Variants in OCA2 observed in about 807,000 individuals in gnomAD.
The protein encoded by OCA2 is P protein.
A neutral mutation model predicts 100.2 loss-of-function variants in OCA2; 77 were observed. The ratio of observed to expected loss-of-function variants is 0.77; its 90% CI spans 0.64 to 0.93. OCA2 has a LOEUF of 0.93. Among genes scored for constraint, OCA2 ranks in the 40% least tolerant of loss-of-function variants. The probability of loss-of-function intolerance (pLI) is 0.00; values close to 1 mark genes in which losing one functional copy is unlikely to be tolerated. For synonymous variants in OCA2, 432 were observed against 439.2 expected (o/e 0.98, Z 0.21); for missense variants, 1,062 against 1,089.1 (o/e 0.98, Z 0.35).
chr15:28,027,002 C>A (rs921403772), intron 4 of OCA2, among the ~76,000 whole-genome samples: 1 of 152,214 alleles, frequency 6.6e-6, no homozygotes, highest in African/African-American at 2.4e-5. Flanking sequence ...GGGCGCTCAG[C>A]GACTTCAGGT....
intron 18 of OCA2, among the ~76,000 whole-genome samples, chr15:27,928,448 A>G (rs999790006): frequency 6.6e-6 from 1 of 152,182 alleles, no homozygotes; most frequent in African/African-American, 2.4e-5. Context: ...TTTCAATTAT[A>G]TCATGATTTT....
At chr15:27,830,781 T>C (rs1410047542) in intron 23 of OCA2, among the ~76,000 whole-genome samples, 1 of 152,166 alleles carries the variant, frequency 6.6e-6, no homozygotes, top group Non-Finnish European at 1.5e-5. Context: ...ACAGGAAACC[T>C]GACAAATTCA....
intron 1 of OCA2, among the ~76,000 whole-genome samples, chr15:28,089,767 A>T (rs1347796304): frequency 6.6e-6 from 1 of 152,190 alleles, no homozygotes; most frequent in African/African-American, 2.4e-5. Context: ...TAAAGATGGG[A>T]ACAACAGACA....
At chr15:28,078,436 G>A (rs2141865365) in intron 2 of OCA2, among the ~76,000 whole-genome samples, 1 of 152,316 alleles carries the variant, frequency 6.6e-6, no homozygotes, top group Non-Finnish European at 1.5e-5. Context: ...GAATACAGAA[G>A]AAGGGATGGT....
chr15:28,041,495 A>C (rs934544847), intron 2 of OCA2, among the ~76,000 whole-genome samples: 2 of 152,190 alleles, frequency 1.3e-5, no homozygotes, highest in Non-Finnish European at 2.9e-5. Context: ...TGCTACTTCT[A>C]CTCAATGCAG....
chr15:27,733,066 C>A, the OCA2 span, among the ~76,000 whole-genome samples: 2 of 152,170 alleles, frequency 1.3e-5, no homozygotes, highest in African/African-American at 4.8e-5. Flanking sequence ...CATTAGCACT[C>A]GTCTCTCATG....
At chr15:27,896,190 G>A (rs2151622276) in intron 19 of OCA2, 1 of 907,816 alleles carries the variant, frequency 1.1e-6, no homozygotes. Flanking sequence ...GAAGAGAGCT[G>A]TAGATAGAGG....
intron 19 of OCA2, among the ~76,000 whole-genome samples, chr15:27,915,759 T>G (rs1015195999): frequency 5.3e-5 from 8 of 152,142 alleles, no homozygotes; most frequent in African/African-American, 1.9e-4. Flanking sequence ...ATTCTGCTGA[T>G]TAGAGTATAA....
chr15:27,958,918 G>C (rs558290378), intron 15 of OCA2, among the ~76,000 whole-genome samples: 22 of 152,274 alleles, frequency 1.4e-4, no homozygotes, highest in Admixed American at 3.3e-4. Flanking sequence ...ATCACCCGAA[G>C]ACCTGGGAAG....
chr15:27,719,798 C>T, the OCA2 span, among the ~76,000 whole-genome samples: 3 of 152,058 alleles, frequency 2.0e-5, no homozygotes, highest in African/African-American at 7.2e-5. Context: ...ATTGGGTGGC[C>T]CCATCTGCTC....
chr15:27,757,580 G>A (rs2030486856), intron 23 of OCA2, among the ~76,000 whole-genome samples: 1 of 152,210 alleles, frequency 6.6e-6, no homozygotes, highest in Non-Finnish European at 1.5e-5. Context: ...ACTAGCTTAG[G>A]GCTCTAGTTT....
intron 21 of OCA2, among the ~76,000 whole-genome samples, chr15:27,870,205 A>T (rs1050330390): frequency 6.6e-6 from 1 of 152,024 alleles, no homozygotes; most frequent in East Asian, 1.9e-4. Flanking sequence ...ATGTCTTGGG[A>T]CCCCCTTGCA....
chr15:27,943,040 T>A (rs1233191482), intron 18 of OCA2, among the ~76,000 whole-genome samples: 1 of 152,226 alleles, frequency 6.6e-6, no homozygotes, highest in Non-Finnish European at 1.5e-5. Flanking sequence ...GGCTATTTTC[T>A]AATATGCCAA....
intron 21 of OCA2, among the ~76,000 whole-genome samples, chr15:27,854,021 C>G (rs2035861388): frequency 6.6e-6 from 1 of 152,240 alleles, no homozygotes; most frequent in Non-Finnish European, 1.5e-5. Flanking sequence ...CATTCACTCT[C>G]AGCTCCTGAC....
intron 18 of OCA2, among the ~76,000 whole-genome samples, chr15:27,932,569 C>T (rs1595672452): frequency 6.6e-6 from 1 of 152,174 alleles, no homozygotes; most frequent in African/African-American, 2.4e-5. Context: ...CTGGAGAATT[C>T]CCAAAACTTT....
intron 21 of OCA2, among the ~76,000 whole-genome samples, chr15:27,868,018 G>A (rs1299399348): frequency 6.6e-6 from 1 of 152,216 alleles, no homozygotes; most frequent in African/African-American, 2.4e-5. Context: ...CACTGTGGGA[G>A]GAGCTGGGGC....
intron 18 of OCA2, among the ~76,000 whole-genome samples, chr15:27,927,795 T>C (rs1451119761): frequency 1.4e-5 from 2 of 143,098 alleles, no homozygotes; most frequent in East Asian, 4.1e-4. Flanking sequence ...TTTTTTTTTT[T>C]TTTTTTTTTT....
chr15:27,847,871 C>T (rs1228896355), intron 22 of OCA2, among the ~76,000 whole-genome samples: 4 of 152,202 alleles, frequency 2.6e-5, no homozygotes, highest in Admixed American at 6.5e-5. Flanking sequence ...GACAGGCAGT[C>T]CCAGGTGGCA....
At chr15:27,842,086 C>T (rs1186071062) in intron 23 of OCA2, among the ~76,000 whole-genome samples, 1 of 152,204 alleles carries the variant, frequency 6.6e-6, no homozygotes, top group Non-Finnish European at 1.5e-5. Context: ...CAAGAAACAG[C>T]AAGCAACCTC....
Sources: allele counts gnomAD v4.1 joint callset (sites outside exome capture counted in the v4.1 genomes callset), GRCh38; gene constraint gnomAD v4.1.1; transcripts MANE v1.5; gene names NCBI Gene and HGNC (gene_info 2026-07-23, HGNC 2026-07-21).